The following HS3ST4 variants were observed in gnomAD, a reference collection of about 807,000 sequenced individuals.
HS3ST4 encodes heparan sulfate-glucosamine 3-sulfotransferase 4.
Under a neutral mutation model 29.2 loss-of-function variants are expected in HS3ST4, and 17 were observed. The observed-to-expected ratio is 0.58, with a 90% confidence interval of 0.40 to 0.87. HS3ST4 has a LOEUF of 0.87. HS3ST4 is among the 40% of genes least tolerant of loss of function. HS3ST4 has a pLI of 0.00. For missense variants in HS3ST4, 627 were observed against 634.5 expected, an observed-to-expected ratio of 0.99 and a Z score of 0.13; for synonymous variants, 314 against 285.7, an observed-to-expected ratio of 1.10 and a Z score of -1.00.
intron 1 of HS3ST4, among the ~76,000 whole-genome samples, chr16:25,707,996 T>C (rs1966387587): frequency 2.0e-5 from 3 of 152,206 alleles, no homozygotes; most frequent in Admixed American, 2.0e-4. Context: ...CTGTATTCCA[T>C]AGTTACTCCA....
intron 1 of HS3ST4, among the ~76,000 whole-genome samples, chr16:26,027,310 G>C (rs1043081766): frequency 6.6e-6 from 1 of 152,110 alleles, no homozygotes; most frequent in African/African-American, 2.4e-5. Flanking sequence ...AAATTTCTGT[G>C]GTTCTCATTG....
chr16:26,123,446 A>G (rs1296282940), intron 1 of HS3ST4, among the ~76,000 whole-genome samples: 1 of 152,170 alleles, frequency 6.6e-6, no homozygotes, highest in African/African-American at 2.4e-5. Flanking sequence ...TCCTACCCTG[A>G]AAGTCTTTGA....
intron 1 of HS3ST4, among the ~76,000 whole-genome samples, chr16:26,034,753 A>AT (rs992074239): frequency 6.6e-6 from 1 of 151,914 alleles, no homozygotes; most frequent in Admixed American, 6.6e-5. Flanking sequence ...TAAAAAAAAA[A>AT]CTGACGTGAG....
At chr16:25,857,140 A>C (rs763574861) in intron 1 of HS3ST4, among the ~76,000 whole-genome samples, 16 of 152,188 alleles carry the variant, frequency 1.1e-4, no homozygotes, top group Non-Finnish European at 1.9e-4. Context: ...GCTCACTCTC[A>C]TGTTAGTCCA....
chr16:26,089,418 A>G (rs901785978), intron 1 of HS3ST4, among the ~76,000 whole-genome samples: 1 of 152,156 alleles, frequency 6.6e-6, no homozygotes, highest in African/African-American at 2.4e-5. Context: ...CTGGTGGAGA[A>G]GGAGGGTTGG....
intron 1 of HS3ST4, among the ~76,000 whole-genome samples, chr16:25,900,712 T>C (rs1968112819): frequency 6.6e-6 from 1 of 152,090 alleles, no homozygotes; most frequent in Non-Finnish European, 1.5e-5. Flanking sequence ...TGGTAAAACA[T>C]ACACACTGGC....
chr16:26,086,893 A>T (rs1454082394), intron 1 of HS3ST4, among the ~76,000 whole-genome samples: 1 of 152,158 alleles, frequency 6.6e-6, no homozygotes, highest in Non-Finnish European at 1.5e-5. Context: ...CTGCTCTGAA[A>T]TGCATCTGCA....
At chr16:25,714,953 A>G (rs558189873) in intron 1 of HS3ST4, among the ~76,000 whole-genome samples, 2 of 152,360 alleles carry the variant, frequency 1.3e-5, no homozygotes, top group South Asian at 4.1e-4. Flanking sequence ...AAGTGGTCAG[A>G]AGACAATCTT....
At chr16:25,724,831 G>A (rs1966520979) in intron 1 of HS3ST4, among the ~76,000 whole-genome samples, 1 of 151,718 alleles carries the variant, frequency 6.6e-6, no homozygotes, top group African/African-American at 2.4e-5. Flanking sequence ...TTGAGTTCGT[G>A]GACATTTTAA....
chr16:26,006,724 A>G (rs1007075704), intron 1 of HS3ST4, among the ~76,000 whole-genome samples: 1 of 152,184 alleles, frequency 6.6e-6, no homozygotes, highest in Non-Finnish European at 1.5e-5. Flanking sequence ...TACAATAGTG[A>G]TTTCATCTAC....
chr16:25,984,477 C>T (rs987730562), intron 1 of HS3ST4, among the ~76,000 whole-genome samples: 31 of 152,168 alleles, frequency 2.0e-4, no homozygotes, highest in African/African-American at 7.5e-4. Flanking sequence ...TGCTGTGTAA[C>T]CAGGTTTCTA....
chr16:25,755,076 C>T (rs1966748532), intron 1 of HS3ST4, among the ~76,000 whole-genome samples: 2 of 151,996 alleles, frequency 1.3e-5, no homozygotes, highest in Non-Finnish European at 2.9e-5. Flanking sequence ...TACTATCCAT[C>T]CATTCATTTA....
chr16:25,894,546 C>T (rs995107434), intron 1 of HS3ST4, among the ~76,000 whole-genome samples: 1 of 151,162 alleles, frequency 6.6e-6, no homozygotes, highest in Admixed American at 6.6e-5. Flanking sequence ...GCTCTTGTCA[C>T]CCAGGCTGGA....
At chr16:26,109,546 A>T (rs564944850) in intron 1 of HS3ST4, among the ~76,000 whole-genome samples, 2 of 152,092 alleles carry the variant, frequency 1.3e-5, no homozygotes, top group African/African-American at 4.8e-5. Context: ...TGTTCTGTCC[A>T]TCTGGAGGCT....
intron 1 of HS3ST4, among the ~76,000 whole-genome samples, chr16:26,040,448 C>T (rs533742463): frequency 7.2e-5 from 11 of 152,040 alleles, no homozygotes; most frequent in East Asian, 1.9e-4. Flanking sequence ...GGATTACAGG[C>T]GCATGCCAAC....
intron 1 of HS3ST4, chr16:26,028,878 A>G (rs1969504423): frequency 6.6e-6 from 1 of 152,258 alleles, no homozygotes; most frequent in Admixed American, 6.5e-5. Context: ...GGCAGGAGGC[A>G]GAGTGGCAAA....
intron 1 of HS3ST4, among the ~76,000 whole-genome samples, chr16:26,066,780 T>G (rs1000645073): frequency 5.9e-5 from 9 of 152,244 alleles, no homozygotes; most frequent in Non-Finnish European, 1.0e-4. Flanking sequence ...CATCTCACTT[T>G]AGAATGAGAG....
chr16:26,069,695 A>C, intron 1 of HS3ST4, among the ~76,000 whole-genome samples: 2 of 130,378 alleles, frequency 1.5e-5, no homozygotes, highest in African/African-American at 5.6e-5. Flanking sequence ...TCCTAATGCT[A>C]TCCCTCCCCC....
At chr16:25,830,384 C>G (rs1967282218) in intron 1 of HS3ST4, among the ~76,000 whole-genome samples, 1 of 152,138 alleles carries the variant, frequency 6.6e-6, no homozygotes, top group African/African-American at 2.4e-5. Context: ...TTTGAAGAAT[C>G]ATACGATGTG....
Sources: gnomAD v4.1 joint callset for allele counts (sites outside exome capture counted in the v4.1 genomes callset) on GRCh38, gnomAD v4.1.1 for gene constraint, MANE v1.5 for transcripts, NCBI Gene and HGNC (gene_info 2026-07-23, HGNC 2026-07-21) for gene names.